CAMKMT: variants seen among roughly 807,000 people sequenced by gnomAD.
The protein encoded by CAMKMT is CaM KMT.
In CAMKMT, 53 loss-of-function variants were observed where a neutral mutation model predicts 48.0. The ratio of observed to expected loss-of-function variants is 1.10; its 90% confidence interval spans 0.89 to 1.39. CAMKMT has a LOEUF of 1.39. Among genes scored for constraint, CAMKMT ranks in the 40% most tolerant of loss-of-function variants. CAMKMT has a pLI of 0.00. For synonymous variants in CAMKMT, 165 were observed against 152.3 expected (o/e 1.08, Z -0.61); for missense variants, 428 against 402.7 (o/e 1.06, Z -0.54).
At chr2:44,594,747 C>A (rs184800316) in intron 3 of CAMKMT, among the ~76,000 whole-genome samples, 1 of 152,164 alleles carries the variant, frequency 6.6e-6, no homozygotes, top group Admixed American at 6.5e-5. Flanking sequence ...AGGACATAGG[C>A]ATGGGCAAAG....
chr2:44,549,761 A>G (rs1421236978), intron 3 of CAMKMT: 1 of 465,242 alleles, frequency 2.1e-6, no homozygotes, highest in East Asian at 3.3e-5. Flanking sequence ...TGATGTCTGT[A>G]AACTCCACTC....
intron 9 of CAMKMT, among the ~76,000 whole-genome samples, chr2:44,762,731 A>G (rs1190627626): frequency 6.6e-6 from 1 of 152,226 alleles, no homozygotes; most frequent in East Asian, 1.9e-4. Flanking sequence ...GTGTAAGTAT[A>G]GATTAGTCTA....
At chr2:44,494,307 A>C (rs1246257433) in intron 3 of CAMKMT, among the ~76,000 whole-genome samples, 2 of 152,132 alleles carry the variant, frequency 1.3e-5, no homozygotes, top group Non-Finnish European at 2.9e-5. Context: ...TGCATTTATT[A>C]TTATCCTTTG....
intron 1 of CAMKMT, among the ~76,000 whole-genome samples, chr2:44,367,741 T>G (rs1212128918): frequency 6.6e-6 from 1 of 152,250 alleles, no homozygotes; most frequent in Non-Finnish European, 1.5e-5. Flanking sequence ...TATACTACTT[T>G]AAGCTGTACT....
At chr2:44,387,059 A>C (rs143219749) in intron 2 of CAMKMT, among the ~76,000 whole-genome samples, 3,214 of 152,134 alleles carry the variant, frequency 0.021, 111 homozygotes, top group African/African-American at 0.072. Flanking sequence ...GTTTAAATCT[A>C]TTGTTTCCTT....
chr2:44,639,561 G>A (rs1209545966), intron 3 of CAMKMT, among the ~76,000 whole-genome samples: 1 of 152,174 alleles, frequency 6.6e-6, no homozygotes, highest in African/African-American at 2.4e-5. Context: ...GACTTGCTAG[G>A]TATGAAAGCA....
At chr2:44,731,073 G>A (rs1333644057) in intron 7 of CAMKMT, among the ~76,000 whole-genome samples, 1 of 152,192 alleles carries the variant, frequency 6.6e-6, no homozygotes, top group Non-Finnish European at 1.5e-5. Flanking sequence ...GGGCACAGTG[G>A]CCCACACCTG....
chr2:44,382,030 C>G (rs1490798327), intron 2 of CAMKMT, among the ~76,000 whole-genome samples: 1 of 147,638 alleles, frequency 6.8e-6, no homozygotes, highest in African/African-American at 2.5e-5. Flanking sequence ...CAGCCTCTGT[C>G]TCCTGGGTTC....
At chr2:44,481,382 C>A (rs897369717) in intron 3 of CAMKMT, among the ~76,000 whole-genome samples, 1 of 151,860 alleles carries the variant, frequency 6.6e-6, no homozygotes, top group Non-Finnish European at 1.5e-5. Context: ...TAATAGCTAG[C>A]TGAATAGGAA....
intron 3 of CAMKMT, among the ~76,000 whole-genome samples, chr2:44,655,587 A>G (rs960556197): frequency 6.6e-6 from 1 of 152,324 alleles, no homozygotes; most frequent in Middle Eastern, 3.4e-3. Flanking sequence ...TATCTCCTAA[A>G]TAGGCCTTGC....
At chr2:44,698,182 TCAC>T (rs895261625) in intron 3 of CAMKMT, among the ~76,000 whole-genome samples, 5 of 152,358 alleles carry the variant, frequency 3.3e-5, no homozygotes, top group African/African-American at 1.2e-4. Context: ...TGTGCAACTG[TCAC>T]CACAATTTTA....
At chr2:44,413,191 A>C (rs910323523) in intron 3 of CAMKMT, among the ~76,000 whole-genome samples, 3 of 152,186 alleles carry the variant, frequency 2.0e-5, no homozygotes, top group Non-Finnish European at 4.4e-5. Flanking sequence ...TGGCAGTATT[A>C]ATCTCTGTTG....
At chr2:44,501,754 G>A (rs1326534180) in intron 3 of CAMKMT, among the ~76,000 whole-genome samples, 3 of 152,072 alleles carry the variant, frequency 2.0e-5, no homozygotes, top group African/African-American at 7.2e-5. Flanking sequence ...ATGGTGGCTC[G>A]TGCTTGTAGT....
intron 3 of CAMKMT, among the ~76,000 whole-genome samples, chr2:44,505,658 T>C (rs984274018): frequency 2.6e-5 from 4 of 152,120 alleles, no homozygotes; most frequent in African/African-American, 9.7e-5. Flanking sequence ...ATCTTACCAT[T>C]GAATAGGCTG....
intron 3 of CAMKMT, among the ~76,000 whole-genome samples, chr2:44,567,413 A>T (rs894021448): frequency 6.6e-6 from 1 of 152,208 alleles, no homozygotes; most frequent in Non-Finnish European, 1.5e-5. Flanking sequence ...CTAAGCACAG[A>T]GCAACCGGCT....
chr2:44,570,146 A>G (rs905650577), intron 3 of CAMKMT, among the ~76,000 whole-genome samples: 5 of 152,340 alleles, frequency 3.3e-5, no homozygotes, highest in African/African-American at 7.2e-5. Context: ...CCCAAATACA[A>G]TGAGGTCCAT....
At chr2:44,509,109 T>G in intron 3 of CAMKMT, among the ~76,000 whole-genome samples, 1 of 104,976 alleles carries the variant, frequency 9.5e-6, no homozygotes, top group East Asian at 3.2e-4. Context: ...AAAAAAAAAA[T>G]TATATGTCTT....
intron 3 of CAMKMT, among the ~76,000 whole-genome samples, chr2:44,599,377 T>C (rs1670852359): frequency 6.6e-6 from 1 of 152,166 alleles, no homozygotes; most frequent in African/African-American, 2.4e-5. Context: ...CTGGCAGTTC[T>C]TAGGAACCAA....
chr2:44,725,237 G>A (rs553501545), intron 7 of CAMKMT, among the ~76,000 whole-genome samples: 1 of 150,654 alleles, frequency 6.6e-6, no homozygotes, highest in South Asian at 2.1e-4. Context: ...TTTAAATAAG[G>A]GCATGGAATT....
Sources: gnomAD v4.1 joint callset for allele counts (sites outside exome capture counted in the v4.1 genomes callset) on GRCh38, gnomAD v4.1.1 for gene constraint, MANE v1.5 for transcripts, NCBI Gene and HGNC (gene_info 2026-07-23, HGNC 2026-07-21) for gene names.